The following ELMOD3 variants were observed in gnomAD, a reference collection of about 807,000 sequenced individuals.
ELMOD3 encodes ELMO domain-containing protein 3.
In ELMOD3, 36 loss-of-function variants were observed where a neutral mutation model predicts 47.4. The ratio of observed to expected loss-of-function variants is 0.76; its 90% CI spans 0.58 to 1.00. ELMOD3 has a LOEUF of 1.00. ELMOD3 is among the 50% of genes least tolerant of loss of function. The pLI is 0.00. For synonymous variants in ELMOD3, 149 were observed against 183.5 expected (o/e 0.81, Z 1.52); for missense variants, 404 against 463.8 (o/e 0.87, Z 1.18).
At position 85,371,485 on chromosome 2, in the gene ELMOD3, C is replaced by T. The variant is rs755239764; in HGVS notation, c.530C>T (p.Thr177Ile). The T allele has an allele frequency of 1.9e-6, 3 of 1,614,100 alleles. No homozygotes were observed. The highest frequency in any genetic ancestry group is 1.3e-5 in the African/African-American group (1 of 74,930). ...QDPVHGRVLQ[T>I]IYKKLTGSKF... The stretch of plus-strand genomic sequence containing the variant: ...CCAGTGCATGGCCGAGTCCTCCAGA[C>T]CATCTATAAGAAGCTGACCGGCTCC... Residue 177 changes from threonine (T) to isoleucine (I), a missense_variant, in exon 10 of 14, where the codon ACC becomes ATC. By Grantham distance (89) the Thr-to-Ile change is moderately conservative (BLOSUM62 -1). Transcript: ENST00000409013.
At chr2:85,374,966 C>G (rs770855707) in intron 10 of ELMOD3, among the ~76,000 whole-genome samples, 6 of 152,180 alleles carry the variant, frequency 3.9e-5, no homozygotes, top group East Asian at 1.9e-4. Flanking sequence ...CAAAAATTAG[C>G]CAGGCATGGT....
chr2:85,377,176 C>T (rs1048429903), intron 10 of ELMOD3, among the ~76,000 whole-genome samples, 168 bp from the exon 11 acceptor site: 1 of 152,168 alleles, frequency 6.6e-6, no homozygotes, highest in African/African-American at 2.4e-5. Flanking sequence ...GGTGCATAGC[C>T]CCTGCTTAGC....
chr2:85,382,116 C>CAAAAA, intron 11 of ELMOD3, among the ~76,000 whole-genome samples: 1 of 39,886 alleles, frequency 2.5e-5, no homozygotes, highest in Non-Finnish European at 4.1e-5. Flanking sequence ...GACTCCTTCT[C>CAAAAA]AAAAAAAAAA....
intron 11 of ELMOD3, among the ~76,000 whole-genome samples, chr2:85,384,488 G>T (rs572115496): frequency 6.6e-6 from 1 of 152,200 alleles, no homozygotes; most frequent in Non-Finnish European, 1.5e-5. Flanking sequence ...CTTACCAACA[G>T]GCCAGAGGTG....
At chr2:85,362,708 C>G (rs914575064) in intron 5 of ELMOD3, among the ~76,000 whole-genome samples, 1 of 152,232 alleles carries the variant, frequency 6.6e-6, no homozygotes, top group East Asian at 1.9e-4. Flanking sequence ...CACTTGAGGT[C>G]AGGAGTTCAA....
intron 11 of ELMOD3, among the ~76,000 whole-genome samples, chr2:85,382,520 A>AATTTTTTT (rs1430838085): frequency 1.2e-5 from 1 of 82,890 alleles, no homozygotes; most frequent in Non-Finnish European, 2.6e-5. Flanking sequence ...TGTCACAAGG[A>AATTTTTTT]CTTTTTTTTT....
intron 6 of ELMOD3, among the ~76,000 whole-genome samples, chr2:85,364,993 A>G (rs1323501785): frequency 1.3e-5 from 2 of 150,414 alleles, no homozygotes; most frequent in African/African-American, 4.9e-5. Context: ...AAAATTTGAG[A>G]TGGAGACGGT....
At chr2:85,371,290 G>A in intron 9 of ELMOD3, 81 bp downstream of exon 9, 10 of 1,611,182 alleles carry the variant, frequency 6.2e-6, no homozygotes, top group Non-Finnish European at 7.6e-6. Context: ...GTGAGGCTAA[G>A]CCAGGAATAT....
chr2:85,391,111 A>T lies in ELMOD3; in HGVS notation c.*149A>T. On this transcript the variant is annotated 3_prime_UTR_variant, in exon 14 of 14. Transcript: ENST00000409013. ...TCCTGGGCTTAGCTGTGGGAAGCCA[A>T]GTACCCTCACCGGCATGGGACATGA... is the stretch of plus-strand genomic sequence containing the variant. The T allele has an allele frequency of 1.3e-6, 1 of 753,928 alleles. No homozygotes were observed. Among genetic ancestry groups the T allele is most frequent in the Non-Finnish European group, 2.1e-6 (1 of 466,876 alleles). The allele number at this position is 753,928 out of a possible 1,614,324, so 46.7% of individuals were successfully genotyped here.
chr2:85,369,955 A>AT (rs1684674712), intron 8 of ELMOD3, 125 bp downstream of exon 8: 2 of 1,234,694 alleles, frequency 1.6e-6, no homozygotes, highest in Non-Finnish European at 2.2e-6. Context: ...GCCCAGGATC[A>AT]TGGGTGGCCT....
chr2:85,385,799 C>G (rs1685882132), intron 11 of ELMOD3, among the ~76,000 whole-genome samples: 1 of 151,966 alleles, frequency 6.6e-6, no homozygotes, highest in Non-Finnish European at 1.5e-5. Context: ...ATGGATCCTA[C>G]CAGCTGCTAA....
intron 11 of ELMOD3, among the ~76,000 whole-genome samples, chr2:85,382,883 C>A (rs780611422): frequency 8.0e-5 from 12 of 149,628 alleles, no homozygotes; most frequent in Admixed American, 1.3e-4. Flanking sequence ...CAAGACAATT[C>A]AGTTACTTAT....
intron 10 of ELMOD3, 89 bp downstream of exon 10, chr2:85,371,651 G>C: frequency 1.3e-6 from 2 of 1,558,130 alleles, no homozygotes; most frequent in Non-Finnish European, 1.7e-6. Flanking sequence ...CCAGTGCTAT[G>C]AGGGGGAAGA....
At chr2:85,377,150 G>T (rs904579394) in intron 10 of ELMOD3, among the ~76,000 whole-genome samples, 194 bp from the exon 11 acceptor site, 1 of 152,220 alleles carries the variant, frequency 6.6e-6, no homozygotes, top group African/African-American at 2.4e-5. Flanking sequence ...CCTCCAGGGC[G>T]CTGGGGTCCC....
intron 4 of ELMOD3, among the ~76,000 whole-genome samples, chr2:85,358,903 A>G (rs1683748204): frequency 6.6e-6 from 1 of 152,250 alleles, no homozygotes; most frequent in Non-Finnish European, 1.5e-5. Flanking sequence ...TGGTCTCTGC[A>G]GAGACAAGCA....
At chr2:85,383,073 CA>C (rs565248845) in intron 11 of ELMOD3, among the ~76,000 whole-genome samples, 87 of 137,068 alleles carry the variant, frequency 6.3e-4, no homozygotes, top group Non-Finnish European at 8.9e-4. Context: ...AGTAAAACTC[CA>C]AAAAAAAAAA....
chr2:85,391,518 GT>G lies in ELMOD3; in HGVS notation c.*559del, dbSNP rs1162308651. On this transcript the variant is annotated 3_prime_UTR_variant, in exon 14 of 14. Transcript: ENST00000409013. Reference sequence around the variant, plus strand: ...AGGTGGGTGTGAGGCCCCCTCTGGAGTTTCTGGCCATTCACTTACCCACTCT... The same window carrying G: ...AGGTGGGTGTGAGGCCCCCTCTGGAGTTCTGGCCATTCACTTACCCACTCT... 2 of 153,658 alleles carry G rather than the reference GT, an allele frequency of 1.3e-5. No individual in the cohort carries two copies. Among genetic ancestry groups the G allele is most frequent in the African/African-American group, 2.4e-5 (1 of 41,468 alleles). 9.5% of individuals were successfully genotyped at this position (153,658 alleles called of 1,614,324 possible). A position where few individuals can be genotyped will look rare whatever the true frequency, so the allele number is the denominator to read the frequency against.
chr2:85,378,927 A>G lies in ELMOD3; in HGVS notation c.738+1453A>G, dbSNP rs190639710. 7.9e-5 allele frequency among the ~76,000 whole-genome samples: 12 copies of G among 152,328 alleles called. No homozygotes were observed. In the East Asian group the frequency reaches 1.2e-3, roughly 15 times the overall value. On this transcript the variant is annotated intron_variant, in intron 11 of 13. Transcript: ENST00000409013. ...AGAAGGTTGTGAAGTCTCATGTCCT[A>G]TGAAGAGAAAATACGGGGAGGAAGT...
At chr2:85,381,176 G>A (rs1243197456) in intron 11 of ELMOD3, among the ~76,000 whole-genome samples, 1 of 152,126 alleles carries the variant, frequency 6.6e-6, no homozygotes, top group Non-Finnish European at 1.5e-5. Flanking sequence ...ACTTTATGGA[G>A]CCTAATATCT....
Sources: gnomAD v4.1 joint callset for allele counts (sites outside exome capture counted in the v4.1 genomes callset) on GRCh38, gnomAD v4.1.1 for gene constraint, MANE v1.5 for transcripts, NCBI Gene and HGNC (gene_info 2026-07-23, HGNC 2026-07-21) for gene names.